Variants in DNAAF1 observed in about 807,000 individuals in gnomAD.
DNAAF1 encodes dynein assembly factor 1, axonemal.
DNAAF1 carries 65 observed loss-of-function variants against 71.1 expected under a neutral mutation model. The observed-to-expected ratio is 0.91, with a 90% confidence interval of 0.75 to 1.12. DNAAF1 has a LOEUF of 1.12. Ranked by LOEUF, DNAAF1 falls within the 50% of genes most tolerant of loss-of-function variation. DNAAF1 has a pLI of 0.00. For synonymous variants in DNAAF1, 414 were observed against 354.6 expected (o/e 1.17, Z -1.88); for missense variants, 1,178 against 899.8 (o/e 1.31, Z -3.96).
At chr16:84,161,336 C>T (rs557598919) in intron 6 of DNAAF1, among the ~76,000 whole-genome samples, 46 of 152,274 alleles carry the variant, frequency 3.0e-4, no homozygotes, top group Non-Finnish European at 5.7e-4. Context: ...TAGGAGCCAC[C>T]GCCCTTTAGA....
At chr16:84,146,502 A>G (rs1440514715) in intron 1 of DNAAF1, among the ~76,000 whole-genome samples, 3 of 152,042 alleles carry the variant, frequency 2.0e-5, no homozygotes. Context: ...GGGTCACCTG[A>G]AGTCAGGAGT....
At chr16:84,175,014 C>A (rs2088578366) in intron 10 of DNAAF1, among the ~76,000 whole-genome samples, 1 of 152,132 alleles carries the variant, frequency 6.6e-6, no homozygotes, top group African/African-American at 2.4e-5. Context: ...AGCCACCACG[C>A]CCAGCTAATT....
intron 6 of DNAAF1, among the ~76,000 whole-genome samples, chr16:84,161,068 C>G (rs1366658810): frequency 6.6e-6 from 1 of 152,174 alleles, no homozygotes; most frequent in East Asian, 1.9e-4. Context: ...GGGTCTGACT[C>G]CCAAGCCAGC....
intron 4 of DNAAF1, among the ~76,000 whole-genome samples, chr16:84,155,342 C>T (rs1158709041): frequency 2.0e-5 from 3 of 152,180 alleles, no homozygotes; most frequent in Non-Finnish European, 4.4e-5. Flanking sequence ...GATCCTCCCA[C>T]GTCAGCCTCC....
In DNAAF1 at chr16:84,170,065, G is replaced by A. The variant is rs760066805; in HGVS notation, c.1237G>A (p.Glu413Lys). The change falls in exon 8 of 12, where the codon GAG becomes AAG. Residue 413 changes from glutamate to lysine, a missense_variant. Physicochemically the swap from Glu to Lys is moderately conservative, Grantham distance 56. Coordinates refer to ENST00000378553, the MANE Select transcript of DNAAF1 (RefSeq NM_178452.6). Reference sequence around the variant, plus strand: ...AAGAGAGGATGGAGGTCCAGAGCCAGAGGGGACCCTCCCAGCTGAGACCCT... The same window carrying A: ...AAGAGAGGATGGAGGTCCAGAGCCAAAGGGGACCCTCCCAGCTGAGACCCT... ...AKREDGGPEP[E>K]GTLPAETLLL... 1.9e-6 allele frequency: 3 copies of A among 1,613,640 alleles called. No individual in the cohort carries two copies. Among genetic ancestry groups the A allele is most frequent in the South Asian group, 1.1e-5 (1 of 91,068 alleles).
intron 9 of DNAAF1, chr16:84,173,212 C>A: frequency 2.0e-6 from 2 of 983,038 alleles, no homozygotes; most frequent in South Asian, 9.4e-5. Flanking sequence ...GCCTGTAATC[C>A]CAGCACTTTG....
In DNAAF1 at chr16:84,150,283, A is replaced by G; in HGVS notation, c.293A>G (p.Lys98Arg). The change falls in exon 3 of 12, where the codon AAG (lysine) becomes AGG (arginine). Residue 98 changes from lysine (K) to arginine (R), a missense_variant. Physicochemically the swap from Lys to Arg is conservative, Grantham distance 26. Coordinates refer to ENST00000378553, the MANE Select transcript of DNAAF1 (RefSeq NM_178452.6). ...AAAAGTTCCCTGCAAAAACTCTGCA[A>G]GCAGCACAAGCTTTATATTACCCCA... Reference protein sequence around the residue: ...MTKSSLQKLCKQHKLYITPAL... With the variant: ...MTKSSLQKLCRQHKLYITPAL... The G allele has an allele frequency of 6.2e-7, 1 of 1,614,056 alleles. No homozygotes were observed. The highest frequency in any genetic ancestry group is 8.5e-7 in the Non-Finnish European group (1 of 1,179,900).
At position 84,177,860 on chromosome 16, in the gene DNAAF1, A is replaced by G; in HGVS notation, c.*19A>G. The stretch of plus-strand genomic sequence containing the variant: ...ATCATAGTTTTCCCCAGTTATATGT[A>G]GCATAAATGGTTTAATCATAAATGT... On this transcript the variant is annotated 3_prime_UTR_variant, in exon 12 of 12. Transcript: ENST00000378553. 6.3e-7 allele frequency: 1 copy of G among 1,585,812 alleles called. No individual in the cohort carries two copies. The highest frequency in any genetic ancestry group is 8.7e-7 in the Non-Finnish European group (1 of 1,154,298).
At chr16:84,154,219 G>T (rs138534637) in intron 3 of DNAAF1, among the ~76,000 whole-genome samples, 2 of 152,268 alleles carry the variant, frequency 1.3e-5, no homozygotes, top group African/African-American at 4.8e-5. Flanking sequence ...CAGTTCTGGA[G>T]GCTAGGAAGT....
At position 84,177,265 on chromosome 16, in the gene DNAAF1, G is replaced by A. The variant is rs879591193; in HGVS notation, c.2066-464G>A. The A allele has an allele frequency of 1.3e-4, 33 of 253,852 alleles. 1 individual carries two copies. The highest frequency in any genetic ancestry group is 1.2e-3 in the Admixed American group (23 of 19,894). 15.7% of individuals were successfully genotyped at this position (253,852 alleles called of 1,614,324 possible). A position where few individuals can be genotyped will look rare whatever the true frequency, so the allele number is the denominator to read the frequency against. ...TCGGGCGGGGGCAGGCCTGGAGGACGTTGAATAATTTGTTTTTGTTTGTTT... is the reference window on the plus strand; with the variant it reads ...TCGGGCGGGGGCAGGCCTGGAGGACATTGAATAATTTGTTTTTGTTTGTTT... On this transcript the variant is annotated intron_variant, in intron 11 of 11. Coordinates refer to ENST00000378553, the MANE Select transcript of DNAAF1 (RefSeq NM_178452.6).
At chr16:84,155,196 CCA>C (rs2087368491) in intron 4 of DNAAF1, among the ~76,000 whole-genome samples, 1 of 152,016 alleles carries the variant, frequency 6.6e-6, no homozygotes, top group East Asian at 1.9e-4. Context: ...GCGTGAGCCA[CCA>C]TGCCCAGCCA....
At chr16:84,145,946 A>C (rs538851893) in intron 1 of DNAAF1, among the ~76,000 whole-genome samples, 1 of 152,100 alleles carries the variant, frequency 6.6e-6, no homozygotes, top group East Asian at 1.9e-4. Context: ...AAATACAAAA[A>C]ATGAGCTGGG....
At chr16:84,169,793 G>A (rs1441423514) in intron 7 of DNAAF1, 66 bp from the exon 8 acceptor site, 3 of 1,607,328 alleles carry the variant, frequency 1.9e-6, no homozygotes, top group South Asian at 1.1e-5. Flanking sequence ...AGCCCTTGAT[G>A]TACCCACAAA....
rs1183965815 is a variant in DNAAF1, at chr16:84,159,803, A to T, written c.863+7A>T. On this transcript the variant is annotated splice_region_variant and intron_variant, in intron 6 of 11. Coordinates refer to ENST00000378553, the MANE Select transcript of DNAAF1 (RefSeq NM_178452.6). ...CAGTGTTTCCAAAGGACAGGTAAGA[A>T]GAGAAAAGCCTTCTGATCACATTTT... is the stretch of plus-strand genomic sequence containing the variant. 1 of 1,613,502 alleles carries T rather than the reference A, an allele frequency of 6.2e-7. No individual in the cohort carries two copies. Among genetic ancestry groups the T allele is most frequent in the Non-Finnish European group, 8.5e-7 (1 of 1,179,772 alleles).
chr16:84,169,772 A>G, intron 7 of DNAAF1, 87 bp from the exon 8 acceptor site: 1 of 1,578,698 alleles, frequency 6.3e-7, no homozygotes, highest in Non-Finnish European at 8.7e-7. Context: ...TGGTCTCAGA[A>G]GTTTGCTGTG....
rs1051311723 is a variant in DNAAF1 at position 84,174,168 on chromosome 16, T to C, written c.1645-501T>C. On this transcript the variant is annotated intron_variant, in intron 9 of 11. Transcript: ENST00000378553. ...ACCTAGGCACCGTGGCTCCAGTTCA[T>C]GCATCCAACCACACACTATGCTGCC... 1.2e-5 allele frequency: 12 copies of C among 1,001,878 alleles called. No individual in the cohort carries two copies. In the African/African-American group the frequency reaches 2.1e-4, roughly 17 times the overall value. 62.1% of individuals were successfully genotyped at this position (1,001,878 alleles called of 1,614,324 possible).
intron 6 of DNAAF1, among the ~76,000 whole-genome samples, chr16:84,161,383 C>A (rs1441632905): frequency 6.6e-6 from 1 of 152,156 alleles, no homozygotes; most frequent in African/African-American, 2.4e-5. Flanking sequence ...GTCAGATTAA[C>A]CTGGCTTGAG....
chr16:84,173,003 AC>A (rs1567565821), intron 9 of DNAAF1: 17 of 993,514 alleles, frequency 1.7e-5, no homozygotes, highest in Non-Finnish European at 2.0e-5. Flanking sequence ...TTGTCTCACA[AC>A]CCCCCAAGAA....
At chr16:84,158,038 T>C (rs2087525677) in intron 5 of DNAAF1, among the ~76,000 whole-genome samples, 1 of 152,034 alleles carries the variant, frequency 6.6e-6, no homozygotes, top group African/African-American at 2.4e-5. Flanking sequence ...AAACCGTCTC[T>C]ACTAAAAATA....
Sources: allele counts gnomAD v4.1 joint callset (sites outside exome capture counted in the v4.1 genomes callset), GRCh38; gene constraint gnomAD v4.1.1; transcripts MANE v1.5; gene names NCBI Gene and HGNC (gene_info 2026-07-23, HGNC 2026-07-21).